The following TOX4 variants were observed in gnomAD, a reference collection of about 807,000 sequenced individuals.
TOX4 encodes the protein TOX high mobility group box family member 4.
A neutral mutation model predicts 61.0 loss-of-function variants in TOX4; 12 were observed. That is an observed-to-expected ratio of 0.20 (90% CI 0.13 to 0.32). TOX4 has a LOEUF of 0.32. Among genes scored for constraint, TOX4 ranks in the 10% least tolerant of loss-of-function variants. The pLI is 1.00. For synonymous variants in TOX4, 268 were observed against 274.8 expected, an observed-to-expected ratio of 0.98 and a Z score of 0.24; for missense variants, 499 against 753.3, an observed-to-expected ratio of 0.66 and a Z score of 3.95.
At position 21,477,239 on chromosome 14, in the gene TOX4, A is replaced by T. The variant is rs766321151; in HGVS notation, c.-40A>T. On this transcript the variant is annotated 5_prime_UTR_variant, in exon 1 of 9. Transcript: ENST00000448790. ...TTCCGAGTCCAGTGGGGGCGGTGGG[A>T]GCGATGAGGGTCTGAGACGGTGGGA... 1.5e-5 allele frequency: 25 copies of T among 1,613,464 alleles called. No individual in the cohort carries two copies. The African/African-American group carries it at 2.5e-4, about 16-fold the overall frequency.
chr14:21,490,460 A>T (rs1313947162), intron 5 of TOX4, among the ~76,000 whole-genome samples: 1 of 152,214 alleles, frequency 6.6e-6, no homozygotes, highest in Admixed American at 6.5e-5. Flanking sequence ...GGGCAACAAG[A>T]GTGAAACTCC....
intron 2 of TOX4, among the ~76,000 whole-genome samples, chr14:21,486,428 A>T (rs1253501589): frequency 4.9e-5 from 2 of 40,614 alleles, no homozygotes; most frequent in Non-Finnish European, 1.1e-4. Context: ...TATATGTATC[A>T]GGCAATGTGC....
chr14:21,487,431 C>A lies in TOX4; in HGVS notation c.76-20C>A, dbSNP rs775377741. 4 of 1,609,338 alleles carry A rather than the reference C, an allele frequency of 2.5e-6. No individual in the cohort carries two copies. In the African/African-American group the frequency reaches 5.3e-5, roughly 22 times the overall value. ...TTCTCCTCTTTTCACTAATTCTTTT[C>A]CCCCTTTTTTCCCCTACAGACATTC... On this transcript the variant is annotated intron_variant, in intron 2 of 8. Transcript: ENST00000448790.
chr14:21,483,142 T>TAGTC (rs912675469), intron 2 of TOX4, among the ~76,000 whole-genome samples: 3 of 152,202 alleles, frequency 2.0e-5, no homozygotes, highest in African/African-American at 7.2e-5. Context: ...TTATGAGGGG[T>TAGTC]AGTCACTTGT....
chr14:21,483,691 A>AG (rs2139620194), intron 2 of TOX4, among the ~76,000 whole-genome samples: 1 of 152,128 alleles, frequency 6.6e-6, no homozygotes, highest in African/African-American at 2.4e-5. Flanking sequence ...AAAAAAAACA[A>AG]CAACAAAACA....
At position 21,489,278 on chromosome 14, in the gene TOX4, G is replaced by T; in HGVS notation, c.685G>T (p.Ala229Ser). The T allele has an allele frequency of 6.2e-7, 1 of 1,614,166 alleles. No homozygotes were observed. The highest frequency in any genetic ancestry group is 2.2e-5 in the East Asian group (1 of 44,874). The change falls in exon 5 of 9, where the codon GCA becomes TCA. Residue 229 changes from alanine (A) to serine (S), a missense_variant. Transcript: ENST00000448790. The stretch of plus-strand genomic sequence containing the variant: ...TAATGAACCTCAGAAACCAGTTTCA[G>T]CATATGCTTTATTCTTTCGTGATAC... ...DPNEPQKPVS[A>S]YALFFRDTQA...
chr14:21,477,241 C>G lies in TOX4; in HGVS notation c.-38C>G, dbSNP rs751674694. The G allele has an allele frequency of 1.9e-6, 3 of 1,613,790 alleles. No homozygotes were observed. Among genetic ancestry groups the G allele is most frequent in the Non-Finnish European group, 2.5e-6 (3 of 1,179,856 alleles). ...CCGAGTCCAGTGGGGGCGGTGGGAG[C>G]GATGAGGGTCTGAGACGGTGGGAGC... On this transcript the variant is annotated 5_prime_UTR_variant, in exon 1 of 9. Coordinates refer to ENST00000448790, the MANE Select transcript of TOX4 (RefSeq NM_014828.4).
intron 8 of TOX4, 184 bp from the exon 9 acceptor site, chr14:21,496,362 C>A: frequency 1.9e-6 from 1 of 513,622 alleles, no homozygotes; most frequent in Non-Finnish European, 3.5e-6. Flanking sequence ...CCTGTCCCCA[C>A]TAAAAATACA....
At chr14:21,477,373 A>C (rs1321717700) in intron 1 of TOX4, 89 bp downstream of exon 1, 5 of 1,612,852 alleles carry the variant, frequency 3.1e-6, no homozygotes, top group Non-Finnish European at 4.2e-6. Flanking sequence ...GAGGCGACTG[A>C]CGGGAGAGGA....
At chr14:21,489,431 G>A in intron 5 of TOX4, 28 bp downstream of exon 5, 1 of 1,576,274 alleles carries the variant, frequency 6.3e-7, no homozygotes, top group Non-Finnish European at 8.6e-7. Context: ...AACTAGTAGT[G>A]AATGTTCCAG....
In TOX4 at chr14:21,489,196, CGTG is replaced by C; in HGVS notation, c.608_610del (p.Val203del). The stretch of plus-strand genomic sequence containing the variant: ...AGCAACTTCCCAGCCAGAAGACAGT[CGTG>C]GTGGAAGCAGGGAAAAAGCAGAAGG... On this transcript the variant is annotated inframe_deletion, in exon 5 of 9. Coordinates refer to ENST00000448790, the MANE Select transcript of TOX4 (RefSeq NM_014828.4). 1.2e-6 allele frequency: 2 copies of C among 1,613,886 alleles called. No homozygotes were observed. The highest frequency in any genetic ancestry group is 1.7e-6 in the Non-Finnish European group (2 of 1,179,998).
chr14:21,490,315 A>G (rs576213612), intron 5 of TOX4, among the ~76,000 whole-genome samples: 2 of 151,474 alleles, frequency 1.3e-5, no homozygotes, highest in Admixed American at 6.6e-5. Flanking sequence ...ACTCTACTAA[A>G]AATACAAAAA....
At position 21,496,551 on chromosome 14, in the gene TOX4, T is replaced by C. The variant is rs1891407847; in HGVS notation, c.1811T>C (p.Val604Ala). The C allele has an allele frequency of 3.1e-6, 5 of 1,612,450 alleles. No individual in the cohort carries two copies. Among genetic ancestry groups the C allele is most frequent in the African/African-American group, 1.3e-5 (1 of 75,018 alleles). ...NECVVKHCRD[V>A]FLAWVASRNS... ...TATGTCTTTTTCTCTCTTAGGGATG[T>C]ATTCTTGGCCTGGGTAGCCTCTAGA... Residue 604 changes from valine (V) to alanine (A), a missense_variant, in exon 9 of 9, where the codon GTA becomes GCA. This residue lies in a region of TOX4 where 296 missense variants were observed against 404.7 expected (regional missense o/e 0.73). Coordinates refer to ENST00000448790, the MANE Select transcript of TOX4 (RefSeq NM_014828.4).
chr14:21,493,117 T>C lies in TOX4; in HGVS notation c.1501T>C (p.Leu501=), dbSNP rs1891328600. The C allele has an allele frequency of 6.2e-7, 1 of 1,613,576 alleles. No individual in the cohort carries two copies. Among genetic ancestry groups the C allele is most frequent in the Admixed American group, 1.7e-5 (1 of 59,948 alleles). Residue 501 remains leucine, a synonymous_variant, in exon 7 of 9, where the codon TTG becomes CTG. Coordinates refer to ENST00000448790, the MANE Select transcript of TOX4 (RefSeq NM_014828.4). ...GATCAAGAGTGTGCCTCTACCCACT[T>C]TGAAAATGCAGACTACCTTAGTCCC... ...LQIKSVPLPT[L]KMQTTLVPPT...
At chr14:21,496,515 TTC>T in intron 8 of TOX4, 29 bp from the exon 9 acceptor site, 1 of 1,592,580 alleles carries the variant, frequency 6.3e-7, no homozygotes, top group Non-Finnish European at 8.6e-7. Flanking sequence ...TTGTGTATAA[TTC>T]TGTTTGTGTA....
At chr14:21,495,648 A>C in intron 8 of TOX4, 1 of 288,316 alleles carries the variant, frequency 3.5e-6, no homozygotes, top group East Asian at 6.6e-5. Flanking sequence ...AAAATATAAT[A>C]CATTAAGCTG....
At chr14:21,479,099 A>G (rs992063271) in intron 2 of TOX4, among the ~76,000 whole-genome samples, 1 of 149,588 alleles carries the variant, frequency 6.7e-6, no homozygotes, top group Non-Finnish European at 1.5e-5. Context: ...GCATGAGCCA[A>G]TGTGCCCAGT....
At position 21,487,545 on chromosome 14, in the gene TOX4, G is replaced by C. The variant is rs1316591356; in HGVS notation, c.170G>C (p.Gly57Ala). Residue 57 changes from glycine to alanine, a missense_variant, in exon 3 of 9, where the codon GGC becomes GCC. Coordinates refer to ENST00000448790, the MANE Select transcript of TOX4 (RefSeq NM_014828.4). ...DPSLAVSDVV[G>A]HFDDLADPSS... is the part of the protein sequence containing the mutation. ...TCATTGGCTGTCTCAGATGTGGTTG[G>C]CCACTTTGATGACCTGGCAGACCCT... The C allele has an allele frequency of 6.2e-7, 1 of 1,614,106 alleles. No homozygotes were observed. The highest frequency in any genetic ancestry group is 8.5e-7 in the Non-Finnish European group (1 of 1,180,016).
chr14:21,497,770 G>A lies in TOX4; in HGVS notation c.*1164G>A, dbSNP rs191609265. 1.1e-3 allele frequency: 161 copies of A among 152,686 alleles called. 3 individuals carry two copies. The East Asian group carries it at 0.022, about 21-fold the overall frequency. The allele number at this position is 152,686 out of a possible 1,614,324, so 9.5% of individuals were successfully genotyped here. On this transcript the variant is annotated 3_prime_UTR_variant, in exon 9 of 9. Transcript: ENST00000448790. Reference sequence around the variant, plus strand: ...TCTCGAACTCCTGACCTCATGATCCGCCCGCCTTGACCTCCCAAAGTGCTG... The same window carrying A: ...TCTCGAACTCCTGACCTCATGATCCACCCGCCTTGACCTCCCAAAGTGCTG...
Sources: allele counts gnomAD v4.1 joint callset (sites outside exome capture counted in the v4.1 genomes callset), GRCh38; gene constraint gnomAD v4.1.1; regional missense constraint gnomAD v4.1.1; transcripts MANE v1.5; gene names NCBI Gene and HGNC (gene_info 2026-07-23, HGNC 2026-07-21).